Variants in SMAD3 observed in about 807,000 individuals in gnomAD.
SMAD3 encodes MAD homolog 3.
Under a neutral mutation model 51.8 loss-of-function variants are expected in SMAD3, and 12 were observed. That is an observed-to-expected ratio of 0.23 (90% confidence interval 0.15 to 0.38). The LOEUF (loss-of-function observed/expected upper bound fraction) is 0.38. SMAD3 is among the 10% of genes least tolerant of loss of function. The pLI, the probability that SMAD3 is intolerant of heterozygous loss-of-function variation, is 1.00. For missense variants in SMAD3, 294 were observed against 565.6 expected (o/e 0.52, Z 4.87); for synonymous variants, 238 against 227.7 (o/e 1.05, Z -0.41).
rs11299358 is a variant in SMAD3, at chr15:67,139,956, T to TAA, written c.207-24931_207-24930dup. Among the ~76,000 whole-genome samples the TAA allele has an allele frequency of 5.3e-5, 8 of 150,702 alleles. No individual in the cohort carries two copies. In the South Asian group the frequency reaches 6.3e-4, roughly 12 times the overall value. On this transcript the variant is annotated intron_variant, in intron 1 of 8. Coordinates refer to ENST00000327367, the MANE Select transcript of SMAD3 (RefSeq NM_005902.4). ...CAACATGACGAAACCCCGTCTCTAC[T>TAA]AAAAAAAAATACAGAATTAGCCAGG...
intron 1 of SMAD3, among the ~76,000 whole-genome samples, chr15:67,134,142 T>C (rs1961595162): frequency 6.6e-6 from 1 of 151,958 alleles, no homozygotes; most frequent in African/African-American, 2.4e-5. Context: ...AGGGAGAAAG[T>C]GGTGGTTTCT....
intron 1 of SMAD3, among the ~76,000 whole-genome samples, chr15:67,119,405 CAG>C (rs1168459761): frequency 6.6e-6 from 1 of 151,322 alleles, no homozygotes; most frequent in Non-Finnish European, 1.5e-5. Flanking sequence ...GCAGTAGACA[CAG>C]AGAGCTGGGT....
intron 1 of SMAD3, among the ~76,000 whole-genome samples, chr15:67,130,960 A>G (rs1054513285): frequency 4.6e-5 from 7 of 152,134 alleles, no homozygotes; most frequent in African/African-American, 1.4e-4. Flanking sequence ...GCTGTGTTCT[A>G]CCTGCCACGC....
At chr15:67,087,836 C>T (rs1230616345) in intron 1 of SMAD3, among the ~76,000 whole-genome samples, 1 of 152,186 alleles carries the variant, frequency 6.6e-6, no homozygotes, top group African/African-American at 2.4e-5. Context: ...CTTAAGTTTC[C>T]AGTAAACATC....
chr15:67,138,671 G>A (rs1326657139), intron 1 of SMAD3: 1 of 152,448 alleles, frequency 6.6e-6, no homozygotes, highest in African/African-American at 2.4e-5. Context: ...GCCTGTGACT[G>A]TTTTCACATG....
intron 1 of SMAD3, among the ~76,000 whole-genome samples, chr15:67,150,804 T>C (rs1962111646): frequency 7.6e-6 from 1 of 131,332 alleles, no homozygotes; most frequent in South Asian, 2.7e-4. Flanking sequence ...CCTGCTTTTT[T>C]TTTTTTTTTT....
chr15:67,105,258 C>G (rs907746830), intron 1 of SMAD3, among the ~76,000 whole-genome samples: 12 of 152,200 alleles, frequency 7.9e-5, no homozygotes, highest in African/African-American at 2.9e-4. Context: ...CCCTCTGTGT[C>G]CTTCCTCTGC....
intron 1 of SMAD3, among the ~76,000 whole-genome samples, chr15:67,150,058 G>A (rs1395127979): frequency 1.3e-5 from 2 of 152,176 alleles, no homozygotes; most frequent in African/African-American, 4.8e-5. Flanking sequence ...AGACTGAGTT[G>A]TAAATGTCAT....
chr15:67,186,761 C>T (rs1034214505), intron 7 of SMAD3: 5 of 238,524 alleles, frequency 2.1e-5, no homozygotes, highest in African/African-American at 9.3e-5. Context: ...AAATTTGGCC[C>T]AGATCTCTCC....
intron 1 of SMAD3, chr15:67,126,067 C>A (rs117471927): frequency 1.6e-6 from 1 of 617,314 alleles, no homozygotes; most frequent in Non-Finnish European, 2.0e-6. Flanking sequence ...TCGACACACA[C>A]TCCCTGAGTC....
intron 1 of SMAD3, among the ~76,000 whole-genome samples, chr15:67,105,082 G>A (rs1160118178): frequency 1.3e-5 from 2 of 152,248 alleles, no homozygotes; most frequent in Non-Finnish European, 2.9e-5. Context: ...TGTTTGTCAG[G>A]AGGCCTTGCC....
At chr15:67,172,885 G>A (rs72743479) in intron 5 of SMAD3, among the ~76,000 whole-genome samples, 3,562 of 152,230 alleles carry the variant, frequency 0.023, 77 homozygotes, top group Middle Eastern at 0.12. Context: ...CGTTGGAGAC[G>A]TAAAAGTCTG....
intron 1 of SMAD3, among the ~76,000 whole-genome samples, chr15:67,161,006 G>A (rs1253298682): frequency 6.6e-6 from 1 of 151,712 alleles, no homozygotes; most frequent in East Asian, 1.9e-4. Flanking sequence ...TTTTTGGTGT[G>A]GTATCTGAGA....
At chr15:67,077,423 A>G (rs558342794) in intron 1 of SMAD3, among the ~76,000 whole-genome samples, 1 of 152,328 alleles carries the variant, frequency 6.6e-6, no homozygotes, top group African/African-American at 2.4e-5. Context: ...AAGGTGCTAC[A>G]TATTATAGCT....
At chr15:67,098,645 G>A (rs958044722) in intron 1 of SMAD3, 82 of 537,214 alleles carry the variant, frequency 1.5e-4, no homozygotes, top group Non-Finnish European at 2.3e-4. Flanking sequence ...GGGTGGGGCC[G>A]CGTTTTTCTC....
chr15:67,071,887 C>T (rs1441043893), intron 1 of SMAD3, among the ~76,000 whole-genome samples: 2 of 152,174 alleles, frequency 1.3e-5, no homozygotes, highest in Non-Finnish European at 2.9e-5. Context: ...TCGGTGTGAC[C>T]TAGCTTCTCA....
At chr15:67,067,786 A>T (rs1339750644) in intron 1 of SMAD3, among the ~76,000 whole-genome samples, 1 of 152,098 alleles carries the variant, frequency 6.6e-6, no homozygotes, top group Non-Finnish European at 1.5e-5. Flanking sequence ...TGGGCGTGTG[A>T]TCGGGAGCCA....
chr15:67,122,923 T>C (rs1257591775), intron 1 of SMAD3, among the ~76,000 whole-genome samples: 1 of 152,158 alleles, frequency 6.6e-6, no homozygotes, highest in Non-Finnish European at 1.5e-5. Flanking sequence ...TGGTGGCTCA[T>C]GCCTGTAATC....
rs1488732359 is a variant in SMAD3 at position 67,190,961 on chromosome 15, A to G, written c.*425A>G. 4 of 282,542 alleles carry G rather than the reference A, an allele frequency of 1.4e-5. No homozygotes were observed. The highest frequency in any genetic ancestry group is 6.3e-5 in the African/African-American group (3 of 47,618). The allele number at this position is 282,542 out of a possible 1,614,324, so 17.5% of individuals were successfully genotyped here. On this transcript the variant is annotated 3_prime_UTR_variant, in exon 9 of 9. Coordinates refer to ENST00000327367, the MANE Select transcript of SMAD3 (RefSeq NM_005902.4). ...GGCGTTCTAGGTAGGAAGAGCCCGC[A>G]GGGCCATGCAGACCTCATGCCCAGC...
Sources: gnomAD v4.1 joint callset for allele counts (sites outside exome capture counted in the v4.1 genomes callset) on GRCh38, gnomAD v4.1.1 for gene constraint, MANE v1.5 for transcripts, NCBI Gene and HGNC (gene_info 2026-07-23, HGNC 2026-07-21) for gene names.